Variants in UNC79 observed in about 807,000 individuals in gnomAD.
The protein encoded by UNC79 is unc-79 subunit of NALCN channel complex.
A neutral mutation model predicts 283.1 loss-of-function variants in UNC79; 37 were observed. The ratio of observed to expected loss-of-function variants is 0.13; its 90% CI spans 0.10 to 0.17. UNC79 has a LOEUF of 0.17. UNC79 is among the 10% of genes least tolerant of loss of function. The pLI is 1.00. For synonymous variants in UNC79, 1,107 were observed against 1,200.2 expected, an observed-to-expected ratio of 0.92 and a Z score of 1.61; for missense variants, 2,272 against 3,211.1, an observed-to-expected ratio of 0.71 and a Z score of 7.07.
intron 14 of UNC79, among the ~76,000 whole-genome samples, chr14:93,553,235 A>G (rs566357638): frequency 2.0e-5 from 3 of 152,356 alleles, no homozygotes; most frequent in African/African-American, 4.8e-5. Flanking sequence ...TAAAAGTTGT[A>G]AATGGTTTAA....
intron 1 of UNC79, among the ~76,000 whole-genome samples, chr14:93,420,938 A>G (rs977580313): frequency 3.3e-5 from 5 of 151,678 alleles, no homozygotes; most frequent in African/African-American, 9.7e-5. Context: ...ACCAAAACCT[A>G]TGGGATATAG....
intron 1 of UNC79, among the ~76,000 whole-genome samples, chr14:93,454,444 T>TGTAGC (rs111318017): frequency 1.1e-4 from 16 of 151,800 alleles, no homozygotes; most frequent in Admixed American, 2.6e-4. Flanking sequence ...TGTATGTGTA[T>TGTAGC]ACATAATTAG....
At chr14:93,590,083 C>A (rs1329738806) in intron 22 of UNC79, among the ~76,000 whole-genome samples, 1 of 152,162 alleles carries the variant, frequency 6.6e-6, no homozygotes, top group East Asian at 1.9e-4. Flanking sequence ...GCCACATGGT[C>A]TTCTTCCCTG....
chr14:93,413,937 AG>A (rs1449637938), intron 1 of UNC79, among the ~76,000 whole-genome samples: 1 of 29,574 alleles, frequency 3.4e-5, no homozygotes, highest in Non-Finnish European at 9.8e-5. Context: ...GCCCTTTGTC[AG>A]ATGAGTAGGT....
intron 1 of UNC79, among the ~76,000 whole-genome samples, chr14:93,337,542 C>T (rs1258536700): frequency 6.6e-6 from 1 of 152,218 alleles, no homozygotes; most frequent in Non-Finnish European, 1.5e-5. Context: ...ACACTATAGC[C>T]CTCCTGCCCT....
At chr14:93,487,901 C>T (rs2058526107) in intron 5 of UNC79, 146 bp downstream of exon 5, 1 of 669,770 alleles carries the variant, frequency 1.5e-6, no homozygotes, top group African/African-American at 1.8e-5. Context: ...ATCAATTTAT[C>T]TTGCCTATTG....
intron 35 of UNC79, among the ~76,000 whole-genome samples, chr14:93,651,114 C>G (rs1465641961): frequency 6.6e-6 from 1 of 152,128 alleles, no homozygotes; most frequent in African/African-American, 2.4e-5. Context: ...TTTCTGGGCT[C>G]TCTATTCTGT....
intron 1 of UNC79, chr14:93,347,138 C>A: frequency 1.9e-6 from 2 of 1,074,540 alleles, no homozygotes; most frequent in Non-Finnish European, 2.6e-6. Flanking sequence ...GGGTAGGGGG[C>A]GAGGGCAGAG....
chr14:93,552,100 C>T (rs1233408549), intron 14 of UNC79, among the ~76,000 whole-genome samples: 2 of 152,126 alleles, frequency 1.3e-5, no homozygotes, highest in East Asian at 3.8e-4. Context: ...TTTTAAAAAT[C>T]AAATAGCACC....
At chr14:93,434,288 A>C (rs79973508) in intron 1 of UNC79, among the ~76,000 whole-genome samples, 1 of 152,130 alleles carries the variant, frequency 6.6e-6, no homozygotes, top group African/African-American at 2.4e-5. Flanking sequence ...AAAATATTCA[A>C]TCTGTTTCCT....
chr14:93,343,137 C>G (rs1189659801), intron 1 of UNC79, among the ~76,000 whole-genome samples: 1 of 152,202 alleles, frequency 6.6e-6, no homozygotes, highest in African/African-American at 2.4e-5. Flanking sequence ...TTTTAGTTAT[C>G]TTTATAGCAG....
At chr14:93,521,193 G>T (rs1417565772) in intron 7 of UNC79, among the ~76,000 whole-genome samples, 1 of 151,968 alleles carries the variant, frequency 6.6e-6, no homozygotes, top group South Asian at 2.1e-4. Flanking sequence ...ATTGCTCCAA[G>T]TATTTAGTGA....
chr14:93,680,236 A>AT (rs1855753597), intron 41 of UNC79, among the ~76,000 whole-genome samples: 1 of 152,234 alleles, frequency 6.6e-6, no homozygotes, highest in Admixed American at 6.5e-5. Context: ...TATGCTCTGC[A>AT]TTGCACTTTG....
intron 14 of UNC79, among the ~76,000 whole-genome samples, chr14:93,559,324 G>A (rs1469811991): frequency 1.3e-5 from 2 of 152,262 alleles, no homozygotes; most frequent in Non-Finnish European, 2.9e-5. Flanking sequence ...CCAAGACTCA[G>A]TTATTGGCAC....
intron 1 of UNC79, among the ~76,000 whole-genome samples, chr14:93,382,506 C>A (rs2139991310): frequency 6.6e-6 from 1 of 152,130 alleles, no homozygotes; most frequent in Non-Finnish European, 1.5e-5. Context: ...TATGTATAGT[C>A]CCTACAAAAT....
chr14:93,651,923 T>A (rs2070322078), intron 35 of UNC79, among the ~76,000 whole-genome samples: 1 of 145,226 alleles, frequency 6.9e-6, no homozygotes, highest in South Asian at 2.2e-4. Context: ...TTTTTTTTTT[T>A]TTTTTTTTTT....
upstream of UNC79, among the ~76,000 whole-genome samples, chr14:93,426,541 C>T (rs984067022): frequency 6.6e-6 from 1 of 151,290 alleles, no homozygotes; most frequent in Non-Finnish European, 1.5e-5. Flanking sequence ...AGGCTATGTT[C>T]CTTTTCCTCT....
intron 6 of UNC79, 65 bp from the exon 7 acceptor site, chr14:93,497,092 T>G: frequency 6.5e-7 from 1 of 1,540,502 alleles, no homozygotes; most frequent in Non-Finnish European, 8.7e-7. Context: ...TTGGTAATGT[T>G]GAAGTCTCTA....
intron 1 of UNC79, among the ~76,000 whole-genome samples, chr14:93,359,310 A>C (rs1279011954): frequency 6.6e-6 from 1 of 152,198 alleles, no homozygotes; most frequent in African/African-American, 2.4e-5. Context: ...AGACCTACTC[A>C]TCCCAGCTGG....
Sources: gnomAD v4.1 joint callset for allele counts (sites outside exome capture counted in the v4.1 genomes callset) on GRCh38, gnomAD v4.1.1 for gene constraint, MANE v1.5 for transcripts, NCBI Gene and HGNC (gene_info 2026-07-23, HGNC 2026-07-21) for gene names.